Variants in MGLL observed in about 807,000 individuals in gnomAD.
MGLL encodes monoglyceride lipase, also known as lysophospholipase homolog.
A neutral mutation model predicts 29.1 loss-of-function variants in MGLL; 7 were observed. The ratio of observed to expected loss-of-function variants is 0.24; its 90% CI spans 0.14 to 0.45. The LOEUF (loss-of-function observed/expected upper bound fraction) is 0.45. MGLL is among the 20% of genes least tolerant of loss of function. MGLL has a pLI of 0.99. For missense variants in MGLL, 356 were observed against 413.6 expected (o/e 0.86, Z 1.21); for synonymous variants, 148 against 168.3 (o/e 0.88, Z 0.93).
At chr3:127,736,517 G>C (rs1474420454) in intron 3 of MGLL, among the ~76,000 whole-genome samples, 3 of 152,182 alleles carry the variant, frequency 2.0e-5, no homozygotes, top group Non-Finnish European at 4.4e-5. Flanking sequence ...TGGGTGAGGG[G>C]AAGGGCTCCT....
chr3:127,722,491 T>A lies in MGLL; in HGVS notation c.338A>T (p.His113Leu). 1 of 1,614,234 alleles carries A rather than the reference T, an allele frequency of 6.2e-7. No individual in the cohort carries two copies. The highest frequency in any genetic ancestry group is 1.1e-5 in the South Asian group (1 of 91,086). The part of the protein sequence containing the change: ...FHVFVRDVLQ[H>L]VDSMQKDYPG... ...GTAGTCTTTCTGCATGGAATCCACA[T>A]GCTGCAACACATCCCTGACGAAAAC... Residue 113 changes from histidine to leucine, a missense_variant, in exon 4 of 8, where the codon CAT (histidine) becomes CTT (leucine). Coordinates refer to ENST00000265052, the MANE Select transcript of MGLL (RefSeq NM_007283.7).
chr3:127,782,257 C>A (rs1309703264), intron 2 of MGLL, among the ~76,000 whole-genome samples: 1 of 152,120 alleles, frequency 6.6e-6, no homozygotes, highest in Non-Finnish European at 1.5e-5. Flanking sequence ...GCCCAGATGG[C>A]TGCCACTGTG....
chr3:127,802,630 G>A (rs942039014), intron 2 of MGLL, among the ~76,000 whole-genome samples: 16 of 152,174 alleles, frequency 1.1e-4, no homozygotes, highest in Non-Finnish European at 1.5e-4. Flanking sequence ...ATTTTTAATC[G>A]AAAAGCAGTT....
chr3:127,731,746 C>G (rs1158737841), intron 3 of MGLL, among the ~76,000 whole-genome samples: 1 of 152,258 alleles, frequency 6.6e-6, no homozygotes, highest in Non-Finnish European at 1.5e-5. Flanking sequence ...CCTCTGGCCC[C>G]TGACCTGCCC....
intron 3 of MGLL, among the ~76,000 whole-genome samples, chr3:127,768,298 T>C (rs1326585999): frequency 6.6e-6 from 1 of 152,220 alleles, no homozygotes; most frequent in Non-Finnish European, 1.5e-5. Context: ...ATTCATTTTA[T>C]TAGCCAGAAT....
chr3:127,803,835 A>T (rs2077519999), intron 2 of MGLL, among the ~76,000 whole-genome samples: 1 of 152,160 alleles, frequency 6.6e-6, no homozygotes, highest in African/African-American at 2.4e-5. Flanking sequence ...TGAGTACTTA[A>T]GAGAGAGACT....
chr3:127,748,261 A>G (rs906904953), intron 3 of MGLL, among the ~76,000 whole-genome samples: 2 of 152,166 alleles, frequency 1.3e-5, no homozygotes, highest in African/African-American at 2.4e-5. Flanking sequence ...TCAGAGGACC[A>G]TTCGAATTAA....
chr3:127,757,666 A>G (rs2076687229), intron 3 of MGLL, among the ~76,000 whole-genome samples: 1 of 152,212 alleles, frequency 6.6e-6, no homozygotes, highest in Non-Finnish European at 1.5e-5. Flanking sequence ...TAAAAGAAAA[A>G]GCACCCAAAG....
At chr3:127,768,779 G>T (rs555733033) in intron 3 of MGLL, among the ~76,000 whole-genome samples, 1 of 152,090 alleles carries the variant, frequency 6.6e-6, no homozygotes, top group Non-Finnish European at 1.5e-5. Context: ...GGAACCTAGC[G>T]CATCACTCAT....
At chr3:127,728,915 T>A (rs904077358) in intron 3 of MGLL, among the ~76,000 whole-genome samples, 1 of 152,168 alleles carries the variant, frequency 6.6e-6, no homozygotes, top group Non-Finnish European at 1.5e-5. Context: ...TTTTTGCTCA[T>A]ATGATAGGAG....
At chr3:127,693,023 T>C (rs1221334687) in intron 7 of MGLL, among the ~76,000 whole-genome samples, 3 of 152,048 alleles carry the variant, frequency 2.0e-5, no homozygotes, top group East Asian at 1.9e-4. Flanking sequence ...GGAATTTACA[T>C]CTCCAGCCAG....
intron 5 of MGLL, among the ~76,000 whole-genome samples, chr3:127,719,986 T>C (rs541517172): frequency 2.3e-4 from 35 of 152,276 alleles, no homozygotes; most frequent in Admixed American, 2.0e-3. Context: ...TGTTTTTAAT[T>C]GAAAGCCTGT....
At position 127,761,543 on chromosome 3, in the gene MGLL, C is replaced by T. The variant is rs996658934; in HGVS notation, c.262+20246G>A. On this transcript the variant is annotated intron_variant, in intron 3 of 7. Transcript: ENST00000265052. The surrounding 1 kb of genome is among the most constrained non-coding windows in gnomAD (Gnocchi z 4.6). The stretch of plus-strand genomic sequence containing the variant: ...GGACCAGAGACTGCAAACTGCCCTT[C>T]AAGCTGCATTTCAAGTGCCTTCTGT... 2.6e-5 allele frequency among the ~76,000 whole-genome samples: 4 copies of T among 152,244 alleles called. No homozygotes were observed. The highest frequency in any genetic ancestry group is 9.6e-5 in the African/African-American group (4 of 41,466).
At position 127,800,393 on chromosome 3, in the gene MGLL, T is replaced by C. The variant is rs569781780; in HGVS notation, c.156-18498A>G. On this transcript the variant is annotated intron_variant, in intron 2 of 7. Transcript: ENST00000265052. ...GACCCCTTACATGGGGAATAGCCAGTTGACTTGAGTTCAGATCTAGGCTCT... is the reference window on the plus strand; with the variant it reads ...GACCCCTTACATGGGGAATAGCCAGCTGACTTGAGTTCAGATCTAGGCTCT... Among the ~76,000 whole-genome samples the C allele has an allele frequency of 5.3e-5, 8 of 152,360 alleles. No individual in the cohort carries two copies. The South Asian group carries it at 1.7e-3, about 32-fold the overall frequency.
intron 5 of MGLL, chr3:127,715,622 C>A (rs1444949760): frequency 2.2e-6 from 1 of 454,552 alleles, no homozygotes; most frequent in Admixed American, 2.3e-5. Context: ...GGAGAAAGAG[C>A]TAAGCAGAGG....
At chr3:127,751,779 CTT>C (rs1265820451) in intron 3 of MGLL, among the ~76,000 whole-genome samples, 3 of 152,112 alleles carry the variant, frequency 2.0e-5, no homozygotes, top group Non-Finnish European at 2.9e-5. Context: ...ACTAAAAACA[CTT>C]TTGGCTTGAT....
chr3:127,801,856 C>T (rs1426135991), intron 2 of MGLL, among the ~76,000 whole-genome samples: 2 of 150,116 alleles, frequency 1.3e-5, no homozygotes, highest in African/African-American at 4.9e-5. Flanking sequence ...AAGGATGAAG[C>T]CCTATGAAAG....
rs756793141 is a variant in MGLL, at chr3:127,695,113, G to A, written c.678C>T (p.Ala226=). The change falls in exon 7 of 8, where the codon GCC becomes GCT. Residue 226 remains alanine (A), a synonymous_variant. Coordinates refer to ENST00000265052, the MANE Select transcript of MGLL (RefSeq NM_007283.7). Reference sequence around the variant, plus strand: ...GGAGGGCGCGCTCCACCCGTGAGACGGCATTCAGCAGTTGGATGCCGAAGC... The same window carrying A: ...GGAGGGCGCGCTCCACCCGTGAGACAGCATTCAGCAGTTGGATGCCGAAGC... The part of the protein sequence containing the change: ...KVCFGIQLLN[A]VSRVERALPK... The A allele has an allele frequency of 3.1e-5, 50 of 1,614,074 alleles. No individual in the cohort carries two copies. The highest frequency in any genetic ancestry group is 4.0e-5 in the African/African-American group (3 of 74,934).
At chr3:127,712,815 G>A (rs549778659) in intron 5 of MGLL, 1 of 152,392 alleles carries the variant, frequency 6.6e-6, no homozygotes, top group East Asian at 1.9e-4. Flanking sequence ...AACGAGCCTG[G>A]GAAAGGAAAA....
Sources: allele counts gnomAD v4.1 joint callset (sites outside exome capture counted in the v4.1 genomes callset), GRCh38; gene constraint gnomAD v4.1.1; non-coding constraint Gnocchi (gnomAD v3.1); transcripts MANE v1.5; gene names NCBI Gene and HGNC (gene_info 2026-07-23, HGNC 2026-07-21).